The following GREB1 variants were observed in gnomAD, a reference collection of about 807,000 sequenced individuals.
GREB1 encodes the protein growth regulating estrogen receptor binding 1, also known as protein GREB1.
A neutral mutation model predicts 200.7 loss-of-function variants in GREB1; 106 were observed. The observed-to-expected ratio is 0.53, with a 90% CI of 0.45 to 0.62. The LOEUF (loss-of-function observed/expected upper bound fraction) is 0.62, where lower values mean the gene tolerates loss of function less well. Ranked by LOEUF, GREB1 falls within the 20% of genes least tolerant of loss-of-function variation. The pLI, the probability that GREB1 is intolerant of heterozygous loss-of-function variation, is 0.00. For synonymous variants in GREB1, 1,132 were observed against 1,092.4 expected (o/e 1.04, Z -0.72); for missense variants, 2,243 against 2,556.8 (o/e 0.88, Z 2.65).
chr2:11,617,575 A>G (rs554813703), intron 21 of GREB1, among the ~76,000 whole-genome samples: 1 of 152,344 alleles, frequency 6.6e-6, no homozygotes, highest in African/African-American at 2.4e-5. Flanking sequence ...TGAGGTTACC[A>G]CAGGTTTGAG....
chr2:11,552,580 C>T (rs1367966110), intron 1 of GREB1, among the ~76,000 whole-genome samples: 3 of 152,210 alleles, frequency 2.0e-5, no homozygotes, highest in Non-Finnish European at 4.4e-5. Context: ...ACCTCCGCGG[C>T]AGGACCGGTC....
At chr2:11,558,835 T>C (rs1676693474) in intron 2 of GREB1, among the ~76,000 whole-genome samples, 1 of 152,208 alleles carries the variant, frequency 6.6e-6, no homozygotes, top group Non-Finnish European at 1.5e-5. Flanking sequence ...GCTGGTATAC[T>C]GAACACCCCT....
intron 21 of GREB1, among the ~76,000 whole-genome samples, 153 bp from the exon 22 acceptor site, chr2:11,618,135 C>CCACTCCTGGGACAGGT (rs1683600581): frequency 1.5e-3 from 32 of 21,384 alleles, no homozygotes; most frequent in Admixed American, 0.012. Flanking sequence ...CTGAGATGGG[C>CCACTCCTGGGACAGGT]CACTCCTGGG....
chr2:11,598,841 G>A lies in GREB1; in HGVS notation c.2314G>A (p.Ala772Thr). 7 of 1,614,038 alleles carry A rather than the reference G, an allele frequency of 4.3e-6. No homozygotes were observed. The highest frequency in any genetic ancestry group is 5.9e-6 in the Non-Finnish European group (7 of 1,179,904). Residue 772 changes from alanine to threonine, a missense_variant, in exon 15 of 33, where the codon GCG becomes ACG. Physicochemically the swap from Ala to Thr is moderately conservative, Grantham distance 58. Coordinates refer to ENST00000381486, the MANE Select transcript of GREB1 (RefSeq NM_014668.4). ...ACTTTTTGTCCTAATCCATGACCAT[G>A]CGCACTGGGATCTTGTGAGGTTAGA... ...HTLFVLIHDH[A>T]HWDLVSSTVH...
intron 17 of GREB1, among the ~76,000 whole-genome samples, chr2:11,606,939 C>T (rs867891014): frequency 1.2e-4 from 18 of 151,896 alleles, no homozygotes; most frequent in Middle Eastern, 3.4e-3. Context: ...CGCACCACCA[C>T]GCCCAGCTAA....
chr2:11,597,331 A>G lies in GREB1; in HGVS notation c.1955-450A>G, dbSNP rs1052862408. Among the ~76,000 whole-genome samples, 1 of 152,124 alleles carries G rather than the reference A, an allele frequency of 6.6e-6. No homozygotes were observed. The highest frequency in any genetic ancestry group is 1.5e-5 in the Non-Finnish European group (1 of 68,008). ...CACATCCATCACTGTCTCTGAGGTG[A>G]TAGATTTTTCTATGCCAATTTCCTG... is the stretch of plus-strand genomic sequence containing the variant. On this transcript the variant is annotated intron_variant, in intron 13 of 32. Coordinates refer to ENST00000381486, the MANE Select transcript of GREB1 (RefSeq NM_014668.4). The surrounding 1 kb of genome is among the most constrained non-coding windows in gnomAD (Gnocchi z 4.1).
chr2:11,517,776 C>T (rs977970409), intron 1 of GREB1, among the ~76,000 whole-genome samples: 24 of 152,120 alleles, frequency 1.6e-4, no homozygotes, highest in Non-Finnish European at 3.1e-4. Context: ...CTCAGCCTCC[C>T]GAGTAGCTGG....
rs1291197631 is a variant in GREB1 at position 11,512,395 on chromosome 2, C to T, written c.-159+30014C>T. ...TGCTTTCCTATTAAGTAAAAATTCA[C>T]TTAACAAATATTTATTGAGTGCTTA... On this transcript the variant is annotated intron_variant, in intron 1 of 2. Transcript: ENST00000628795. Among the ~76,000 whole-genome samples, 5 of 152,188 alleles carry T rather than the reference C, an allele frequency of 3.3e-5. No homozygotes were observed. The East Asian group carries it at 9.6e-4, about 29-fold the overall frequency.
rs1170811521 is a variant in GREB1 at position 11,640,297 on chromosome 2, C to T, written c.5693C>T (p.Thr1898Met). Residue 1898 changes from threonine (T) to methionine (M), a missense_variant, in exon 33 of 33, where the codon ACG becomes ATG. Coordinates refer to ENST00000381486, the MANE Select transcript of GREB1 (RefSeq NM_014668.4). This position sits in a 1 kb window ranked among gnomAD's most constrained non-coding sequence, Gnocchi z 4.6. ...LKKFHFLKGA[T>M]LCVICQDRSS... Reference sequence around the variant, plus strand: ...TCTGCCGTTGTCCACGCAGGTGCGACGTTGTGTGTCATCTGTCAGGACCGG... The same window carrying T: ...TCTGCCGTTGTCCACGCAGGTGCGATGTTGTGTGTCATCTGTCAGGACCGG... 1 of 1,610,310 alleles carries T rather than the reference C, an allele frequency of 6.2e-7. No individual in the cohort carries two copies.
chr2:11,587,490 C>T, intron 9 of GREB1: 1 of 1,606,102 alleles, frequency 6.2e-7, no homozygotes, highest in African/African-American at 1.3e-5. Flanking sequence ...GAATCAGAAT[C>T]AGGCCCCACT....
chr2:11,633,744 G>T lies in GREB1; in HGVS notation c.4992-387G>T, dbSNP rs1685082901. Among the ~76,000 whole-genome samples, 1 of 151,910 alleles carries T rather than the reference G, an allele frequency of 6.6e-6. No individual in the cohort carries two copies. Among genetic ancestry groups the T allele is most frequent in the Admixed American group, 6.6e-5 (1 of 15,242 alleles). On this transcript the variant is annotated intron_variant, in intron 28 of 32. Coordinates refer to ENST00000381486, the MANE Select transcript of GREB1 (RefSeq NM_014668.4). The surrounding 1 kb of genome is among the most constrained non-coding windows in gnomAD (Gnocchi z 4.1). ...AGAAAGGGACATTGCTGCCCCCCCA[G>T]AAACTCCCTTCCTGCTGCCCCAGCC...
Position 11,595,254 on chromosome 2 carries a change from A to T in GREB1, c.1700A>T (p.Lys567Ile), listed in dbSNP as rs369062396. ...AIDSCIAVTG[K>I]YQARILSESL... ...GTGAAATCTGTTTGCTTTCCAGGAAAATACCAAGCCCGGATTCTTTCCGAG... is the reference window on the plus strand; with the variant it reads ...GTGAAATCTGTTTGCTTTCCAGGAATATACCAAGCCCGGATTCTTTCCGAG... The change falls in exon 12 of 33, where the codon AAA becomes ATA. Residue 567 changes from lysine (K) to isoleucine (I), a missense_variant. Around this residue, in one of 3 missense-constraint regions of GREB1, gnomAD observed 1,178 missense variants for 1,387.4 expected, o/e 0.85. Coordinates refer to ENST00000381486, the MANE Select transcript of GREB1 (RefSeq NM_014668.4). 9 of 1,612,436 alleles carry T rather than the reference A, an allele frequency of 5.6e-6. No individual in the cohort carries two copies. In the African/African-American group the frequency reaches 1.2e-4, roughly 22 times the overall value.
At position 11,618,476 on chromosome 2, in the gene GREB1, G is replaced by A. The variant is rs368897613; in HGVS notation, c.3601G>A (p.Asp1201Asn). The stretch of plus-strand genomic sequence containing the variant: ...CAGTCCCGGGCCGACGCCCCAGCCC[G>A]ACTGTAGCCTCAGGACCGGCCAGAG... ...RHSPGPTPQP[D>N]CSLRTGQRSV... The change falls in exon 22 of 33, where the codon GAC becomes AAC. Residue 1201 changes from aspartate (D) to asparagine (N), a missense_variant. Transcript: ENST00000381486. The A allele has an allele frequency of 4.6e-5, 74 of 1,608,120 alleles. No homozygotes were observed. Among genetic ancestry groups the A allele is most frequent in the South Asian group, 5.5e-5 (5 of 90,232 alleles).
At position 11,484,049 on chromosome 2, in the gene GREB1, G is replaced by A. The variant is rs550077938; in HGVS notation, c.-159+1668G>A. ...ATTTAACCTGGGAGTTAGACATGGG[G>A]ATTCTGAGCTCCATCTTCTATAAAT... is the stretch of plus-strand genomic sequence containing the variant. On this transcript the variant is annotated intron_variant, in intron 1 of 2. Coordinates refer to the GREB1 transcript ENST00000628795. 2.4e-4 allele frequency among the ~76,000 whole-genome samples: 37 copies of A among 152,262 alleles called. No individual in the cohort carries two copies. The South Asian group carries it at 7.5e-3, about 31-fold the overall frequency.
chr2:11,508,958 T>C (rs370982090), intron 1 of GREB1, among the ~76,000 whole-genome samples: 1,910 of 148,566 alleles, frequency 0.013, 23 homozygotes, highest in African/African-American at 0.033. Context: ...CACTGCAAGC[T>C]CCGCCTCCCG....
chr2:11,495,774 C>T (rs1672866191), intron 1 of GREB1, among the ~76,000 whole-genome samples: 1 of 149,402 alleles, frequency 6.7e-6, no homozygotes, highest in South Asian at 2.1e-4. Context: ...TCCGTTGAAT[C>T]TTGGTTAGGA....
At position 11,629,937 on chromosome 2, in the gene GREB1, C is replaced by G; in HGVS notation, c.4450-11C>G. On this transcript the variant is annotated splice_polypyrimidine_tract_variant and intron_variant, in intron 25 of 32. Coordinates refer to ENST00000381486, the MANE Select transcript of GREB1 (RefSeq NM_014668.4). The surrounding 1 kb of genome is among the most constrained non-coding windows in gnomAD (Gnocchi z 5.2). ...CTGACGGCAAGCTCTGTCCTTTCCC[C>G]CACACCCCAGCTGTATGAGTCCACC... is the stretch of plus-strand genomic sequence containing the variant. The G allele has an allele frequency of 6.2e-7, 1 of 1,613,310 alleles. No individual in the cohort carries two copies. The highest frequency in any genetic ancestry group is 8.5e-7 in the Non-Finnish European group (1 of 1,179,504).
intron 11 of GREB1, among the ~76,000 whole-genome samples, chr2:11,594,055 G>T (rs999281503): frequency 6.6e-6 from 1 of 152,184 alleles, no homozygotes; most frequent in African/African-American, 2.4e-5. Flanking sequence ...CTCGGCTGAA[G>T]TGCAGTGGCG....
rs765274727 is a variant in GREB1, at chr2:11,618,600, T to C, written c.3725T>C (p.Leu1242Pro). 66 of 1,613,160 alleles carry C rather than the reference T, an allele frequency of 4.1e-5. No individual in the cohort carries two copies. The highest frequency in any genetic ancestry group is 5.3e-5 in the Non-Finnish European group (63 of 1,179,920). Residue 1242 changes from leucine (L) to proline (P), a missense_variant, in exon 22 of 33, where the codon CTG becomes CCG. Around this residue, in one of 3 missense-constraint regions of GREB1, gnomAD observed 587 missense variants for 553.1 expected, o/e 1.06. Coordinates refer to ENST00000381486, the MANE Select transcript of GREB1 (RefSeq NM_014668.4). ...SVAPAAGTWVLQASQCSLTKA... is the reference protein window; with the variant it reads ...SVAPAAGTWVPQASQCSLTKA... ...GCGCCCGCTGCCGGCACGTGGGTCC[T>C]GCAGGCCTCCCAGTGCTCCTTGACC... is the stretch of plus-strand genomic sequence containing the variant.
Sources: allele counts gnomAD v4.1 joint callset (sites outside exome capture counted in the v4.1 genomes callset), GRCh38; gene constraint gnomAD v4.1.1; regional missense constraint gnomAD v4.1.1; non-coding constraint Gnocchi (gnomAD v3.1); transcripts MANE v1.5; gene names NCBI Gene and HGNC (gene_info 2026-07-23, HGNC 2026-07-21).